The following MYMX variants were observed in gnomAD, a reference collection of about 807,000 sequenced individuals.
MYMX encodes myomixer, myoblast fusion factor, also known as protein myomixer.
chr6:44,197,706 A>C, the MYMX span, among the ~76,000 whole-genome samples: 1 of 152,072 alleles, frequency 6.6e-6, no homozygotes, highest in Non-Finnish European at 1.5e-5. Flanking sequence ...GGAGATTGCC[A>C]CCTCTGATCC....
the MYMX span, among the ~76,000 whole-genome samples, chr6:44,202,699 GC>G: frequency 6.6e-6 from 1 of 152,030 alleles, no homozygotes; most frequent in African/African-American, 2.4e-5. Context: ...GTGGGGTGGA[GC>G]TAATGGAAGT....
the MYMX span, among the ~76,000 whole-genome samples, chr6:44,197,264 G>A: frequency 1.3e-5 from 2 of 151,358 alleles, no homozygotes; most frequent in Non-Finnish European, 1.5e-5. Flanking sequence ...TGGGCACGGC[G>A]GCTCACGCCT....
the MYMX span, chr6:44,210,128 G>T: frequency 1.3e-5 from 2 of 151,200 alleles, no homozygotes; most frequent in African/African-American, 4.8e-5. Flanking sequence ...TGTATTTTTA[G>T]TAGAGACGGG....
In MYMX at chr6:44,217,801, G is replaced by T; in HGVS notation, c.*75G>T. 1 of 400,498 alleles carries T rather than the reference G, an allele frequency of 2.5e-6. No homozygotes were observed. Among genetic ancestry groups the T allele is most frequent in the South Asian group, 1.3e-4 (1 of 7,576 alleles). The allele number at this position is 400,498 out of a possible 1,614,324, so 24.8% of individuals were successfully genotyped here. On this transcript the variant is annotated 3_prime_UTR_variant, in exon 2 of 2. Coordinates refer to ENST00000573382, the MANE Select transcript of MYMX (RefSeq NM_001315494.2). ...GTAGGATAATCCTGGCACCAGCACT[G>T]ACCGAAGCCTGCCCAGTGGACAGAA...
At chr6:44,215,410 C>T (rs368833001), upstream of MYMX, among the ~76,000 whole-genome samples, 207 of 151,592 alleles carry the variant, frequency 1.4e-3, 2 homozygotes, top group South Asian at 0.027. Context: ...CCTGTCTCTA[C>T]AAAATAAATT....
chr6:44,211,253 G>A, the MYMX span, among the ~76,000 whole-genome samples: 1 of 152,122 alleles, frequency 6.6e-6, no homozygotes, highest in African/African-American at 2.4e-5. Flanking sequence ...GGTTACTAAG[G>A]GTTAAGAATT....
chr6:44,201,842 C>T, the MYMX span, among the ~76,000 whole-genome samples: 1 of 152,162 alleles, frequency 6.6e-6, no homozygotes, highest in Non-Finnish European at 1.5e-5. Context: ...AGCACAGCTC[C>T]GGAAGGTGCC....
the MYMX span, among the ~76,000 whole-genome samples, chr6:44,202,205 C>A: frequency 6.6e-6 from 1 of 152,282 alleles, no homozygotes; most frequent in East Asian, 1.9e-4. Context: ...GTGTGTCTGT[C>A]CTCTTCACCA....
chr6:44,209,946 A>AT, the MYMX span: 1 of 141,872 alleles, frequency 7.0e-6, no homozygotes. Context: ...TATATATTTT[A>AT]TTATTTATTT....
chr6:44,213,416 C>A (rs1336622164), upstream of MYMX, among the ~76,000 whole-genome samples: 3 of 143,498 alleles, frequency 2.1e-5, no homozygotes, highest in African/African-American at 3.0e-5. Flanking sequence ...GATTGCAAAA[C>A]GTTTTTCTTT....
At chr6:44,200,378 G>A in the MYMX span, among the ~76,000 whole-genome samples, 12 of 151,862 alleles carry the variant, frequency 7.9e-5, no homozygotes, top group Middle Eastern at 3.2e-3. Flanking sequence ...GCAGTGGCAC[G>A]ATCTGGGCTC....
At chr6:44,202,274 T>A in the MYMX span, among the ~76,000 whole-genome samples, 2 of 152,126 alleles carry the variant, frequency 1.3e-5, no homozygotes, top group African/African-American at 4.8e-5. Context: ...TGTTGTCATG[T>A]CTGGCCCGAT....
chr6:44,211,096 C>T, the MYMX span, among the ~76,000 whole-genome samples: 1 of 152,152 alleles, frequency 6.6e-6, no homozygotes, highest in South Asian at 2.1e-4. Flanking sequence ...CAGCAAGACT[C>T]TGTCTAAATA....
At chr6:44,193,276 CT>C in the MYMX span, among the ~76,000 whole-genome samples, 17 of 151,378 alleles carry the variant, frequency 1.1e-4, no homozygotes, top group Non-Finnish European at 1.5e-5. Flanking sequence ...TTTTCTTTTT[CT>C]TTTTTTTTCC....
At chr6:44,202,042 G>C in the MYMX span, among the ~76,000 whole-genome samples, 1 of 152,190 alleles carries the variant, frequency 6.6e-6, no homozygotes, top group African/African-American at 2.4e-5. Flanking sequence ...GTCGCAGCAT[G>C]CTCTTGAGCG....
the MYMX span, among the ~76,000 whole-genome samples, chr6:44,211,788 T>TTTTGTGTGTGTGTGTGTGTGTGTGTGTG: frequency 1.2e-3 from 146 of 126,418 alleles, 1 homozygote; most frequent in African/African-American, 4.4e-3. Context: ...CAGCTAGGTT[T>TTTTGTGTGTGTGTGTGTGTGTGTGTGTG]TGTGTGTGTG....
chr6:44,216,050 G>A (rs1156378780), upstream of MYMX, among the ~76,000 whole-genome samples: 2 of 152,210 alleles, frequency 1.3e-5, no homozygotes, highest in African/African-American at 4.8e-5. Flanking sequence ...ATCCAAGGGG[G>A]AATGCCACCC....
In MYMX at chr6:44,217,527, T is replaced by A. The variant is rs79241016; in HGVS notation, c.56T>A (p.Leu19Gln). The change falls in exon 2 of 2, where the codon CTG (leucine) becomes CAG (glutamine). Residue 19 changes from leucine to glutamine, a missense_variant. Leu to Gln is a moderately radical substitution (Grantham distance 113). Transcript: ENST00000573382. Reference protein sequence around the residue: ...LLRLLLSCLLLPAARLARQYL... With the variant: ...LLRLLLSCLLQPAARLARQYL... ...CGATTGCTGCTGTCCTGCCTGCTGC[T>A]GCCTGCTGCCCGCCTGGCCCGCCAA... 0.17 allele frequency: 67,780 copies of A among 405,160 alleles called. 5,909 individuals carry two copies. Among genetic ancestry groups the A allele is most frequent in the East Asian group, 0.2 (5,636 of 28,196 alleles). 25.1% of individuals were successfully genotyped at this position (405,160 alleles called of 1,614,324 possible).
intron 1 of MYMX, among the ~76,000 whole-genome samples, chr6:44,217,171 G>T (rs1305787541): frequency 6.6e-6 from 1 of 152,108 alleles, no homozygotes; most frequent in Non-Finnish European, 1.5e-5. Flanking sequence ...GAGGGGCCAG[G>T]GAGCAGTAGG....
Sources: gnomAD v4.1 joint callset for allele counts (sites outside exome capture counted in the v4.1 genomes callset) on GRCh38, gnomAD v4.1.1 for gene constraint, MANE v1.5 for transcripts, NCBI Gene and HGNC (gene_info 2026-07-23, HGNC 2026-07-21) for gene names.